APBA2: variants seen among roughly 807,000 people sequenced by gnomAD.
APBA2 encodes amyloid beta precursor protein binding family A member 2.
Under a neutral mutation model 75.0 loss-of-function variants are expected in APBA2, and 30 were observed. The observed-to-expected ratio is 0.40, with a 90% CI of 0.30 to 0.54. The LOEUF (loss-of-function observed/expected upper bound fraction) is 0.54. Ranked by LOEUF, APBA2 falls within the 20% of genes least tolerant of loss-of-function variation. The pLI is 0.49. For synonymous variants in APBA2, 444 were observed against 409.6 expected, an observed-to-expected ratio of 1.08 and a Z score of -1.01; for missense variants, 801 against 1,016.1, an observed-to-expected ratio of 0.79 and a Z score of 2.88.
chr15:29,103,983 C>T (rs1443737895), intron 10 of APBA2, among the ~76,000 whole-genome samples: 1 of 152,230 alleles, frequency 6.6e-6, no homozygotes, highest in Non-Finnish European at 1.5e-5. Context: ...GGCAGAGATG[C>T]TGGGCGTGGG....
chr15:29,026,124 G>C (rs2040211099), intron 3 of APBA2, among the ~76,000 whole-genome samples: 1 of 152,022 alleles, frequency 6.6e-6, no homozygotes, highest in South Asian at 2.1e-4. Context: ...CCCCTACCCA[G>C]CAACCTTCAT....
chr15:29,009,550 A>T lies in APBA2; in HGVS notation c.-41+13744A>T, dbSNP rs910759662. Among the ~76,000 whole-genome samples, 11 of 152,244 alleles carry T rather than the reference A, an allele frequency of 7.2e-5. 1 individual carries two copies. The highest frequency in any genetic ancestry group is 2.2e-4 in the African/African-American group (9 of 41,552). On this transcript the variant is annotated intron_variant, in intron 3 of 14. Transcript: ENST00000683413. ...TCACCACAACCCAAGAATCTCCCCT[A>T]GGGTCCTCTCCCAGCCATAACCCAC...
chr15:29,054,392 G>A lies in APBA2; in HGVS notation c.508G>A (p.Asp170Asn). The change falls in exon 4 of 15, where the codon GAT becomes AAT. Residue 170 changes from aspartate (D) to asparagine (N), a missense_variant. This residue lies in a region of APBA2 where 434 missense variants were observed against 471.6 expected (regional missense o/e 0.92). Coordinates refer to ENST00000683413, the MANE Select transcript of APBA2 (RefSeq NM_001353788.2). The surrounding 1 kb of genome is among the most constrained non-coding windows in gnomAD (Gnocchi z 6.1). ...AGACGGCCAACTGCCCATTCCGGAG[G>A]ATGAGCCCTCCGTCCTTGAGGCCCA... ...YPDGQLPIPEDEPSVLEAHDQ... is the reference protein window; with the variant it reads ...YPDGQLPIPENEPSVLEAHDQ... 6.2e-7 allele frequency: 1 copy of A among 1,614,158 alleles called. No homozygotes were observed. The highest frequency in any genetic ancestry group is 1.3e-5 in the African/African-American group (1 of 75,062).
chr15:28,915,618 A>ACACACCAC (rs2033655955), intron 1 of APBA2, among the ~76,000 whole-genome samples: 1 of 150,760 alleles, frequency 6.6e-6, no homozygotes, highest in African/African-American at 2.5e-5. Flanking sequence ...GACATCTTAT[A>ACACACCAC]CACACCACAC....
intron 6 of APBA2, among the ~76,000 whole-genome samples, chr15:29,083,151 A>T: frequency 6.6e-6 from 1 of 152,210 alleles, no homozygotes; most frequent in East Asian, 1.9e-4. Context: ...TAATTGATTT[A>T]TCTGGAATTT....
chr15:28,906,885 G>C (rs2033160357), intron 1 of APBA2, among the ~76,000 whole-genome samples: 1 of 151,800 alleles, frequency 6.6e-6, no homozygotes, highest in Non-Finnish European at 1.5e-5. Flanking sequence ...TGGTACATAG[G>C]GTTATTCCTC....
At chr15:28,924,968 G>C (rs1044928604) in intron 2 of APBA2, among the ~76,000 whole-genome samples, 21 of 152,014 alleles carry the variant, frequency 1.4e-4, no homozygotes, top group Non-Finnish European at 2.9e-4. Flanking sequence ...CCAGTCTATG[G>C]GTGGGAAGTG....
chr15:28,904,393 T>C (rs1356666995), intron 1 of APBA2, among the ~76,000 whole-genome samples: 1 of 152,250 alleles, frequency 6.6e-6, no homozygotes, highest in Non-Finnish European at 1.5e-5. Context: ...GTTTAGAATG[T>C]TTTTCTGCTA....
At chr15:29,091,684 A>G (rs1157654327) in intron 6 of APBA2, among the ~76,000 whole-genome samples, 1 of 152,234 alleles carries the variant, frequency 6.6e-6, no homozygotes, top group Non-Finnish European at 1.5e-5. Context: ...GACTGGGGTC[A>G]GGGAACTGAG....
chr15:28,938,992 G>A (rs906855463), intron 2 of APBA2, among the ~76,000 whole-genome samples: 2 of 152,080 alleles, frequency 1.3e-5, no homozygotes, highest in African/African-American at 4.8e-5. Context: ...CTTAAATTGT[G>A]CGCATGAAAC....
chr15:29,013,157 T>A (rs553630344), intron 3 of APBA2, among the ~76,000 whole-genome samples: 1 of 152,176 alleles, frequency 6.6e-6, no homozygotes, highest in Non-Finnish European at 1.5e-5. Flanking sequence ...TTTTACTTCT[T>A]CTACTATGTC....
chr15:29,090,909 GGCAGCCAGGGCTGTCATACAC>G (rs1213750473), intron 6 of APBA2, among the ~76,000 whole-genome samples: 12 of 152,298 alleles, frequency 7.9e-5, no homozygotes, highest in African/African-American at 2.9e-4. Context: ...GCGAGCCTGT[GGCAGCCAGGGCTGTCATACAC>G]GCTCTCCAAG....
chr15:29,055,582 A>G (rs1191665020), intron 4 of APBA2, among the ~76,000 whole-genome samples: 1 of 151,962 alleles, frequency 6.6e-6, no homozygotes, highest in Non-Finnish European at 1.5e-5. Flanking sequence ...AGGAACTTCT[A>G]TTTGGCCAAT....
chr15:29,070,852 T>C (rs1290662496), intron 4 of APBA2: 3 of 327,174 alleles, frequency 9.2e-6, no homozygotes, highest in South Asian at 7.2e-5. Context: ...GATGATCGCC[T>C]CTTTTGAAAA....
intron 1 of APBA2, among the ~76,000 whole-genome samples, chr15:28,910,163 T>C (rs191843264): frequency 2.0e-4 from 31 of 152,346 alleles, no homozygotes; most frequent in African/African-American, 7.0e-4. Flanking sequence ...TGTTTCATTA[T>C]AAGCACTTTC....
chr15:28,945,677 C>T (rs1039550933), intron 2 of APBA2, among the ~76,000 whole-genome samples: 1 of 152,202 alleles, frequency 6.6e-6, no homozygotes, highest in East Asian at 1.9e-4. Flanking sequence ...TGCCCCCCGC[C>T]TGGCTAATTT....
At chr15:28,901,618 C>T (rs971907537) in intron 1 of APBA2, among the ~76,000 whole-genome samples, 1 of 152,016 alleles carries the variant, frequency 6.6e-6, no homozygotes, top group Non-Finnish European at 1.5e-5. Context: ...GTTTATTGCA[C>T]CTGGGGGAGG....
At chr15:28,966,498 C>G (rs2036746125) in intron 2 of APBA2, among the ~76,000 whole-genome samples, 1 of 152,032 alleles carries the variant, frequency 6.6e-6, no homozygotes, top group South Asian at 2.1e-4. Context: ...TTAATATAGC[C>G]ACTTTTGCTT....
At chr15:29,044,592 C>T (rs1022517904) in intron 3 of APBA2, among the ~76,000 whole-genome samples, 10 of 152,058 alleles carry the variant, frequency 6.6e-5, no homozygotes, top group Admixed American at 4.6e-4. Flanking sequence ...TTAACTCTCT[C>T]CTGGCCACAC....
Sources: gnomAD v4.1 joint callset for allele counts (sites outside exome capture counted in the v4.1 genomes callset) on GRCh38, gnomAD v4.1.1 for gene constraint, gnomAD v4.1.1 regional missense constraint, Gnocchi (gnomAD v3.1) non-coding constraint, MANE v1.5 for transcripts, NCBI Gene and HGNC (gene_info 2026-07-23, HGNC 2026-07-21) for gene names.